The following CLMN variants were observed in gnomAD, a reference collection of about 807,000 sequenced individuals.
The protein encoded by CLMN is calmin (calponin-like, transmembrane).
A neutral mutation model predicts 92.7 loss-of-function variants in CLMN; 57 were observed. That is an observed-to-expected ratio of 0.61 (90% CI 0.50 to 0.77). The LOEUF (loss-of-function observed/expected upper bound fraction) is 0.77. Among genes scored for constraint, CLMN ranks in the 30% least tolerant of loss-of-function variants. The probability of loss-of-function intolerance (pLI) is 0.00; values close to 1 mark genes in which losing one functional copy is unlikely to be tolerated. For synonymous variants in CLMN, 466 were observed against 470.6 expected (o/e 0.99, Z 0.13); for missense variants, 1,158 against 1,237.5 (o/e 0.94, Z 0.96).
Position 95,294,330 on chromosome 14 carries a change from T to G in CLMN, c.82+25381A>C, listed in dbSNP as rs1305811555. Among the ~76,000 whole-genome samples the G allele has an allele frequency of 6.6e-6, 1 of 152,164 alleles. No homozygotes were observed. The highest frequency in any genetic ancestry group is 1.5e-5 in the Non-Finnish European group (1 of 68,042). ...AGAATTACAGTTAAGATCGCTGCAA[T>G]GAAGCAGGAAAAAGCTGGGTTTCAG... On this transcript the variant is annotated intron_variant, in intron 1 of 12. Coordinates refer to ENST00000298912, the MANE Select transcript of CLMN (RefSeq NM_024734.4). This position sits in a 1 kb window ranked among gnomAD's most constrained non-coding sequence, Gnocchi z 4.2.
chr14:95,268,209 T>C (rs1899553344), intron 1 of CLMN, among the ~76,000 whole-genome samples: 1 of 152,182 alleles, frequency 6.6e-6, no homozygotes, highest in Non-Finnish European at 1.5e-5. Context: ...AGGTGATGGA[T>C]ACCCCAATTG....
chr14:95,214,267 T>C (rs1007015638), intron 5 of CLMN, among the ~76,000 whole-genome samples: 4 of 152,072 alleles, frequency 2.6e-5, no homozygotes, highest in Non-Finnish European at 4.4e-5. Context: ...TTCGGGATGT[T>C]TCCAGAATCT....
chr14:95,248,510 T>C (rs750107093), intron 1 of CLMN, among the ~76,000 whole-genome samples: 7 of 152,196 alleles, frequency 4.6e-5, no homozygotes, highest in Non-Finnish European at 1.0e-4. Flanking sequence ...GTACTGTCCG[T>C]TGACCTCGTC....
chr14:95,251,898 G>T (rs1848486899), intron 1 of CLMN, among the ~76,000 whole-genome samples: 1 of 152,110 alleles, frequency 6.6e-6, no homozygotes, highest in Admixed American at 6.5e-5. Context: ...TGGGTCCAAG[G>T]ACCCGAGCCA....
chr14:95,283,197 C>T (rs757254383), intron 1 of CLMN, among the ~76,000 whole-genome samples: 3 of 152,194 alleles, frequency 2.0e-5, no homozygotes, highest in Admixed American at 6.5e-5. Context: ...AAGTCTCATG[C>T]GATCTGATGG....
chr14:95,244,414 C>T (rs1255070393), intron 1 of CLMN, among the ~76,000 whole-genome samples: 1 of 152,130 alleles, frequency 6.6e-6, no homozygotes, highest in African/African-American at 2.4e-5. Flanking sequence ...TAGTTGTGCC[C>T]GTTGAGTTTT....
intron 1 of CLMN, chr14:95,307,617 C>T (rs1320549077): frequency 2.0e-5 from 3 of 152,284 alleles, no homozygotes; most frequent in Non-Finnish European, 2.9e-5. Flanking sequence ...GGCCATTGCC[C>T]GGGGCAACCT....
chr14:95,209,407 C>A lies in CLMN; in HGVS notation c.873G>T (p.Pro291=). ...TYVAQFLERF[P]ELEAEDIFDS... is the part of the protein sequence containing the mutation. ...AAAGCAAACATACGGCTTCCAACTC[C>A]GGAAAACGTTCTAGAAACTGTGCCA... is the stretch of plus-strand genomic sequence containing the variant. The change falls in exon 8 of 13, where the codon CCG becomes CCT. Residue 291 remains proline, a synonymous_variant. Transcript: ENST00000298912. The A allele has an allele frequency of 6.2e-7, 1 of 1,614,032 alleles. No individual in the cohort carries two copies. Among genetic ancestry groups the A allele is most frequent in the Non-Finnish European group, 8.5e-7 (1 of 1,179,954 alleles).
At chr14:95,312,533 A>G (rs1595124726) in intron 1 of CLMN, among the ~76,000 whole-genome samples, 1 of 152,096 alleles carries the variant, frequency 6.6e-6, no homozygotes, top group Admixed American at 6.5e-5. Context: ...AGTCCTCCAG[A>G]TTGCTGTATT....
intron 1 of CLMN, among the ~76,000 whole-genome samples, chr14:95,241,737 C>T (rs1397345816): frequency 6.6e-6 from 1 of 152,200 alleles, no homozygotes; most frequent in Non-Finnish European, 1.5e-5. Flanking sequence ...ATGCTGCAGA[C>T]ACCAACTGAT....
chr14:95,197,747 G>C (rs1375255307), intron 9 of CLMN, among the ~76,000 whole-genome samples: 1 of 152,174 alleles, frequency 6.6e-6, no homozygotes, highest in Non-Finnish European at 1.5e-5. Context: ...GTCATTGTTG[G>C]AGCCACGTCT....
Position 95,194,142 on chromosome 14 carries a change from G to A in CLMN, c.2770-223C>T. Reference sequence around the variant, plus strand: ...TGAGTGCGAGAGACCCCACCACCCGGAACCCGGATTGGGGTGTGCTGCTCC... The same window carrying A: ...TGAGTGCGAGAGACCCCACCACCCGAAACCCGGATTGGGGTGTGCTGCTCC... On this transcript the variant is annotated intron_variant, in intron 11 of 12. Coordinates refer to ENST00000298912, the MANE Select transcript of CLMN (RefSeq NM_024734.4). This position sits in a 1 kb window ranked among gnomAD's most constrained non-coding sequence, Gnocchi z 4.0. 3 of 1,412,988 alleles carry A rather than the reference G, an allele frequency of 2.1e-6. No homozygotes were observed. Among genetic ancestry groups the A allele is most frequent in the Non-Finnish European group, 2.8e-6 (3 of 1,089,918 alleles). The allele number at this position is 1,412,988 out of a possible 1,614,324, so 87.5% of individuals were successfully genotyped here.
At chr14:95,229,088 G>C (rs1257430049) in intron 2 of CLMN, among the ~76,000 whole-genome samples, 1 of 152,226 alleles carries the variant, frequency 6.6e-6, no homozygotes, top group African/African-American at 2.4e-5. Context: ...TGGAGAACCA[G>C]ATAGTGGTGC....
chr14:95,251,184 C>T (rs899750019), intron 1 of CLMN, among the ~76,000 whole-genome samples: 11 of 152,138 alleles, frequency 7.2e-5, no homozygotes, highest in African/African-American at 2.7e-4. Flanking sequence ...AGGCAACGTC[C>T]ATCTTCTTGG....
chr14:95,228,701 G>T (rs745917362), intron 2 of CLMN, among the ~76,000 whole-genome samples: 28 of 152,174 alleles, frequency 1.8e-4, no homozygotes, highest in African/African-American at 3.1e-4. Flanking sequence ...TTGAGACAGG[G>T]TCTCGCTCTG....
chr14:95,287,822 G>A (rs948204511), intron 1 of CLMN, among the ~76,000 whole-genome samples: 13 of 152,162 alleles, frequency 8.5e-5, no homozygotes, highest in Admixed American at 2.6e-4. Context: ...ATACAGCCCT[G>A]TTTCTGGAGG....
intron 12 of CLMN, chr14:95,193,545 C>T: frequency 1.5e-6 from 1 of 673,194 alleles, no homozygotes; most frequent in Non-Finnish European, 2.5e-6. Context: ...ACCACTAAAC[C>T]ACCCTATACT....
chr14:95,316,322 C>G (rs970027427), intron 1 of CLMN, among the ~76,000 whole-genome samples: 3 of 152,254 alleles, frequency 2.0e-5, no homozygotes, highest in African/African-American at 7.2e-5. Context: ...TGCAAGGGAC[C>G]CTGTGAGGGT....
intron 1 of CLMN, among the ~76,000 whole-genome samples, chr14:95,306,030 G>A (rs1278628727): frequency 6.6e-6 from 1 of 152,214 alleles, no homozygotes; most frequent in African/African-American, 2.4e-5. Flanking sequence ...CTCTCAGGAA[G>A]GATGTGCTCC....
Sources: allele counts gnomAD v4.1 joint callset (sites outside exome capture counted in the v4.1 genomes callset), GRCh38; gene constraint gnomAD v4.1.1; non-coding constraint Gnocchi (gnomAD v3.1); transcripts MANE v1.5; gene names NCBI Gene and HGNC (gene_info 2026-07-23, HGNC 2026-07-21).